Variants in MTSS1 observed in about 807,000 individuals in gnomAD.
MTSS1 encodes the protein MTSS I-BAR domain containing 1.
A neutral mutation model predicts 79.0 loss-of-function variants in MTSS1; 18 were observed. The observed-to-expected ratio is 0.23, with a 90% CI of 0.16 to 0.34. The LOEUF is 0.34. Among genes scored for constraint, MTSS1 ranks in the 10% least tolerant of loss-of-function variants. MTSS1 has a pLI of 1.00. For missense variants in MTSS1, 815 were observed against 986.2 expected, an observed-to-expected ratio of 0.83 and a Z score of 2.33; for synonymous variants, 341 against 368.6, an observed-to-expected ratio of 0.93 and a Z score of 0.86.
intron 4 of MTSS1, among the ~76,000 whole-genome samples, chr8:124,589,998 A>G (rs1241144010): frequency 6.6e-6 from 1 of 152,156 alleles, no homozygotes; most frequent in Admixed American, 6.5e-5. Flanking sequence ...CTGGGACTAC[A>G]GGAACACATC....
intron 3 of MTSS1, among the ~76,000 whole-genome samples, chr8:124,674,472 A>C (rs78413175): frequency 0.061 from 9,320 of 151,896 alleles, 299 homozygotes; most frequent in African/African-American, 0.073. Context: ...CAGCCTCCCA[A>C]GTACCTGGGA....
intron 3 of MTSS1, among the ~76,000 whole-genome samples, chr8:124,622,094 G>C (rs4585739): frequency 6.7e-6 from 1 of 150,062 alleles, no homozygotes; most frequent in East Asian, 2.0e-4. Context: ...GAGAGAGAGA[G>C]AGAATATGAA....
chr8:124,641,571 A>G (rs1818059739), intron 3 of MTSS1, among the ~76,000 whole-genome samples: 1 of 152,208 alleles, frequency 6.6e-6, no homozygotes, highest in South Asian at 2.1e-4. Flanking sequence ...TACCTGATTT[A>G]TCGTGGTATC....
chr8:124,609,845 G>A (rs1286973838), intron 3 of MTSS1, among the ~76,000 whole-genome samples: 4 of 152,122 alleles, frequency 2.6e-5, no homozygotes, highest in Admixed American at 2.0e-4. Context: ...ATCCTATTCT[G>A]AAGAGCAGGT....
intron 3 of MTSS1, among the ~76,000 whole-genome samples, chr8:124,694,959 T>C (rs1346534948): frequency 1.3e-5 from 2 of 152,204 alleles, no homozygotes; most frequent in African/African-American, 2.4e-5. Flanking sequence ...AATTCCATTA[T>C]AGTTTAATTA....
intron 10 of MTSS1, chr8:124,558,628 T>C: frequency 1.4e-6 from 2 of 1,422,804 alleles, no homozygotes; most frequent in Non-Finnish European, 1.8e-6. Flanking sequence ...AGCTTCCAGG[T>C]TGCCGCGGCT....
At chr8:124,633,161 T>A (rs1816328321) in intron 3 of MTSS1, among the ~76,000 whole-genome samples, 1 of 151,536 alleles carries the variant, frequency 6.6e-6, no homozygotes, top group Non-Finnish European at 1.5e-5. Context: ...AAATTAAAAT[T>A]ACAAAATTAA....
At chr8:124,557,322 C>T (rs1189710307) in intron 11 of MTSS1, among the ~76,000 whole-genome samples, 1 of 152,192 alleles carries the variant, frequency 6.6e-6, no homozygotes, top group Non-Finnish European at 1.5e-5. Flanking sequence ...CTGACACCCT[C>T]AGGTGGCCCC....
chr8:124,725,887 C>T (rs1184347303), intron 1 of MTSS1, among the ~76,000 whole-genome samples: 4 of 152,122 alleles, frequency 2.6e-5, no homozygotes, highest in Non-Finnish European at 5.9e-5. Flanking sequence ...CTTCATCTCT[C>T]GAGTCTCCAA....
intron 3 of MTSS1, among the ~76,000 whole-genome samples, chr8:124,654,254 T>C (rs1429169587): frequency 2.6e-5 from 4 of 152,322 alleles, no homozygotes; most frequent in African/African-American, 9.6e-5. Context: ...GCTAAATGAA[T>C]TATTAACCTA....
At chr8:124,590,364 G>A (rs1210573559) in intron 4 of MTSS1, among the ~76,000 whole-genome samples, 1 of 152,204 alleles carries the variant, frequency 6.6e-6, no homozygotes, top group East Asian at 1.9e-4. Context: ...GAGACTTTGA[G>A]GGTGGGGCCC....
In MTSS1 at chr8:124,555,910, G is replaced by C. The variant is rs1415477835; in HGVS notation, c.1405-6C>G. ...GCCTCCATCTCCTCACCAGGCTGCA[G>C]GTTGGAGGAGAGAAATACACAGGTT... is the stretch of plus-strand genomic sequence containing the variant. On this transcript the variant is annotated splice_region_variant and splice_polypyrimidine_tract_variant and intron_variant, in intron 12 of 13. Coordinates refer to ENST00000518547, the MANE Select transcript of MTSS1 (RefSeq NM_014751.6). 6.2e-7 allele frequency: 1 copy of C among 1,603,746 alleles called. No individual in the cohort carries two copies. The highest frequency in any genetic ancestry group is 1.3e-5 in the African/African-American group (1 of 74,552).
chr8:124,557,604 G>T (rs1383828243), intron 11 of MTSS1, 77 bp downstream of exon 11: 1 of 1,355,560 alleles, frequency 7.4e-7, no homozygotes, highest in Non-Finnish European at 1.0e-6. Flanking sequence ...GGGATAGTCG[G>T]GGTGAGGGGG....
chr8:124,713,347 T>C (rs569082934), intron 1 of MTSS1, among the ~76,000 whole-genome samples: 2 of 152,358 alleles, frequency 1.3e-5, no homozygotes, highest in South Asian at 4.1e-4. Context: ...GTAAAATGTA[T>C]GTATGTGTTC....
chr8:124,663,170 G>C (rs1822407766), intron 3 of MTSS1, among the ~76,000 whole-genome samples: 1 of 152,200 alleles, frequency 6.6e-6, no homozygotes, highest in South Asian at 2.1e-4. Context: ...TCTAGGAAAA[G>C]AGGGAGTGCC....
At chr8:124,622,964 G>A (rs112443192) in intron 3 of MTSS1, among the ~76,000 whole-genome samples, 107 of 152,300 alleles carry the variant, frequency 7.0e-4, no homozygotes, top group African/African-American at 2.2e-3. Context: ...TGGGGCCCAA[G>A]GCAAAGTCAG....
intron 1 of MTSS1, among the ~76,000 whole-genome samples, chr8:124,709,887 A>G (rs1200201556): frequency 6.6e-6 from 1 of 152,190 alleles, no homozygotes; most frequent in Non-Finnish European, 1.5e-5. Context: ...TTCTTCTGGA[A>G]CATTCTCTGA....
chr8:124,727,832 G>A lies in MTSS1; in HGVS notation c.72+52C>T, dbSNP rs966536056. ...CCCGGGGTGGAGGCGAAGCGCGGCG[G>A]CGAGGTCAGAGCGCGGCGGCCGGCG... is the stretch of plus-strand genomic sequence containing the variant. On this transcript the variant is annotated intron_variant, in intron 1 of 13. Coordinates refer to ENST00000518547, the MANE Select transcript of MTSS1 (RefSeq NM_014751.6). The surrounding 1 kb of genome is among the most constrained non-coding windows in gnomAD (Gnocchi z 4.7). The A allele has an allele frequency of 4.1e-5, 61 of 1,474,254 alleles. No homozygotes were observed. The African/African-American group carries it at 8.3e-4, about 20-fold the overall frequency. 91.3% of individuals were successfully genotyped at this position (1,474,254 alleles called of 1,614,324 possible). A position where few individuals can be genotyped will look rare whatever the true frequency, so the allele number is the denominator to read the frequency against.
intron 3 of MTSS1, among the ~76,000 whole-genome samples, chr8:124,692,233 T>C (rs913139869): frequency 6.6e-6 from 1 of 152,124 alleles, no homozygotes; most frequent in Non-Finnish European, 1.5e-5. Context: ...TCTCGCCATG[T>C]TGACCAGGCT....
Sources: gnomAD v4.1 joint callset for allele counts (sites outside exome capture counted in the v4.1 genomes callset) on GRCh38, gnomAD v4.1.1 for gene constraint, Gnocchi (gnomAD v3.1) non-coding constraint, MANE v1.5 for transcripts, NCBI Gene and HGNC (gene_info 2026-07-23, HGNC 2026-07-21) for gene names.